Variants in MINDY4 observed in about 807,000 individuals in gnomAD.
MINDY4 encodes probable ubiquitin carboxyl-terminal hydrolase MINDY-4.
MINDY4 carries 68 observed loss-of-function variants against 87.0 expected under a neutral mutation model. That is an observed-to-expected ratio of 0.78 (90% CI 0.64 to 0.96). The LOEUF (loss-of-function observed/expected upper bound fraction) is 0.96. MINDY4 is among the 40% of genes least tolerant of loss of function. The pLI is 0.00. For synonymous variants in MINDY4, 379 were observed against 363.2 expected (o/e 1.04, Z -0.50); for missense variants, 919 against 928.2 (o/e 0.99, Z 0.13).
chr7:30,816,524 T>G (rs1280856467), intron 5 of MINDY4, among the ~76,000 whole-genome samples: 2 of 151,990 alleles, frequency 1.3e-5, no homozygotes, highest in Non-Finnish European at 1.5e-5. Context: ...GAGGCTGGAG[T>G]ACAGCATGTG....
At chr7:30,872,822 C>T (rs1790145524) in intron 14 of MINDY4, among the ~76,000 whole-genome samples, 1 of 152,256 alleles carries the variant, frequency 6.6e-6, no homozygotes, top group Admixed American at 6.5e-5. Flanking sequence ...CTCTCAGTCA[C>T]CCAGGTGACA....
intron 9 of MINDY4, among the ~76,000 whole-genome samples, chr7:30,846,849 G>A (rs892822801): frequency 1.3e-5 from 2 of 152,134 alleles, no homozygotes; most frequent in African/African-American, 2.4e-5. Context: ...TAGATCCCTC[G>A]CATGCACAAT....
intron 5 of MINDY4, 25 bp from the exon 6 acceptor site, chr7:30,828,654 T>C: frequency 6.2e-7 from 1 of 1,611,836 alleles, no homozygotes; most frequent in Non-Finnish European, 8.5e-7. Context: ...TCTCCTCTGG[T>C]ACATTGATAT....
intron 4 of MINDY4, among the ~76,000 whole-genome samples, 171 bp from the exon 5 acceptor site, chr7:30,790,994 G>A (rs1787308065): frequency 6.6e-6 from 1 of 152,328 alleles, no homozygotes; most frequent in East Asian, 1.9e-4. Flanking sequence ...AGAGGTGGGA[G>A]CATTTGAGTA....
intron 5 of MINDY4, among the ~76,000 whole-genome samples, chr7:30,791,838 T>C (rs1238518983): frequency 2.0e-5 from 3 of 152,124 alleles, no homozygotes; most frequent in South Asian, 4.1e-4. Context: ...GGAAGAACAA[T>C]TGTCTTGTGC....
At chr7:30,852,352 T>A in intron 11 of MINDY4, 73 bp downstream of exon 11, 1 of 1,607,394 alleles carries the variant, frequency 6.2e-7, no homozygotes, top group South Asian at 1.1e-5. Context: ...TATAAGTAAA[T>A]CCTTCCTCAG....
chr7:30,773,190 GCA>G (rs1786698134), intron 1 of MINDY4, among the ~76,000 whole-genome samples: 1 of 152,218 alleles, frequency 6.6e-6, no homozygotes, highest in Non-Finnish European at 1.5e-5. Context: ...ACAGGGTTTT[GCA>G]CAGGCAGTCA....
intron 12 of MINDY4, among the ~76,000 whole-genome samples, chr7:30,854,005 C>T (rs1423684282): frequency 6.6e-6 from 1 of 152,198 alleles, no homozygotes; most frequent in Non-Finnish European, 1.5e-5. Context: ...GAGAGCTGTA[C>T]ATCCACTCCT....
chr7:30,837,319 C>T (rs984249005), intron 7 of MINDY4, among the ~76,000 whole-genome samples: 23 of 152,166 alleles, frequency 1.5e-4, no homozygotes, highest in Non-Finnish European at 2.5e-4. Flanking sequence ...GGCCTCACCA[C>T]TCCCGTGACC....
intron 17 of MINDY4, among the ~76,000 whole-genome samples, chr7:30,887,785 G>A (rs1257671869): frequency 6.6e-6 from 1 of 152,226 alleles, no homozygotes; most frequent in African/African-American, 2.4e-5. Context: ...ACGGGGACCC[G>A]CGGGTGGCAG....
chr7:30,832,797 C>G lies in MINDY4; in HGVS notation c.1133-3861C>G, dbSNP rs1022391818. Reference sequence around the variant, plus strand: ...TGTTGGGATTACAGGCATGAGCCACCGTGCCTGGCCCCCTTCCCTCCCTTT... The same window carrying G: ...TGTTGGGATTACAGGCATGAGCCACGGTGCCTGGCCCCCTTCCCTCCCTTT... On this transcript the variant is annotated intron_variant, in intron 6 of 17. Transcript: ENST00000265299. 1.3e-5 allele frequency among the ~76,000 whole-genome samples: 2 copies of G among 152,144 alleles called. 1 individual carries two copies. Among genetic ancestry groups the G allele is most frequent in the South Asian group, 4.2e-4 (2 of 4,812 alleles).
chr7:30,842,783 G>A (rs1160834454), intron 9 of MINDY4, among the ~76,000 whole-genome samples: 1 of 152,114 alleles, frequency 6.6e-6, no homozygotes, highest in East Asian at 1.9e-4. Flanking sequence ...CCCTTCATAT[G>A]CATCCTTGCA....
intron 9 of MINDY4, among the ~76,000 whole-genome samples, chr7:30,845,163 T>C (rs1789166150): frequency 6.6e-6 from 1 of 152,142 alleles, no homozygotes; most frequent in East Asian, 1.9e-4. Flanking sequence ...CTTCCATCGC[T>C]GGACACCCAC....
At chr7:30,808,123 G>A (rs1293567207) in intron 5 of MINDY4, among the ~76,000 whole-genome samples, 1 of 152,194 alleles carries the variant, frequency 6.6e-6, no homozygotes, top group Admixed American at 6.5e-5. Context: ...AGCGCTCCCG[G>A]GTAGGCAACT....
At chr7:30,876,755 T>C (rs915226768) in intron 15 of MINDY4, among the ~76,000 whole-genome samples, 1 of 152,140 alleles carries the variant, frequency 6.6e-6, no homozygotes, top group Non-Finnish European at 1.5e-5. Context: ...GGAGTGCTTT[T>C]CACAGTGGCC....
At chr7:30,883,458 A>C (rs1790533166) in intron 17 of MINDY4, among the ~76,000 whole-genome samples, 1 of 152,098 alleles carries the variant, frequency 6.6e-6, no homozygotes, top group Non-Finnish European at 1.5e-5. Flanking sequence ...GAGCCGGAGG[A>C]GCAGCTCCGC....
At chr7:30,797,194 TG>T (rs1178088341) in intron 5 of MINDY4, among the ~76,000 whole-genome samples, 1 of 152,222 alleles carries the variant, frequency 6.6e-6, no homozygotes, top group African/African-American at 2.4e-5. Flanking sequence ...GATGGCCTAC[TG>T]TGTGCCAGAC....
rs565297946 is a variant in MINDY4, at chr7:30,788,343, T to G, written c.663+2351T>G. ...TGTACCTTATCAGTTTCGCTTGATATGTCTTGCACTTTGAAGTTTTTACCC... is the reference window on the plus strand; with the variant it reads ...TGTACCTTATCAGTTTCGCTTGATAGGTCTTGCACTTTGAAGTTTTTACCC... On this transcript the variant is annotated intron_variant, in intron 4 of 17. Coordinates refer to ENST00000265299, the MANE Select transcript of MINDY4 (RefSeq NM_032222.3). Among the ~76,000 whole-genome samples, 4 of 152,392 alleles carry G rather than the reference T, an allele frequency of 2.6e-5. No homozygotes were observed. In the East Asian group the frequency reaches 7.7e-4, roughly 29 times the overall value.
At chr7:30,825,652 T>C (rs906349346) in intron 5 of MINDY4, among the ~76,000 whole-genome samples, 1 of 152,210 alleles carries the variant, frequency 6.6e-6, no homozygotes, top group Non-Finnish European at 1.5e-5. Context: ...TGTGTGACCT[T>C]GTGTAAGCCA....
Sources: gnomAD v4.1 joint callset for allele counts (sites outside exome capture counted in the v4.1 genomes callset) on GRCh38, gnomAD v4.1.1 for gene constraint, MANE v1.5 for transcripts, NCBI Gene and HGNC (gene_info 2026-07-23, HGNC 2026-07-21) for gene names.